LAMA1: variants seen among roughly 807,000 people sequenced by gnomAD.
LAMA1 encodes the protein laminin subunit alpha-1.
In LAMA1, 219 loss-of-function variants were observed where a neutral mutation model predicts 348.7. The ratio of observed to expected loss-of-function variants is 0.63; its 90% confidence interval spans 0.56 to 0.70. LAMA1 has a LOEUF of 0.70. Ranked by LOEUF, LAMA1 falls within the 30% of genes least tolerant of loss-of-function variation. The probability of loss-of-function intolerance (pLI) is 0.00; values close to 1 mark genes in which losing one functional copy is unlikely to be tolerated. For synonymous variants in LAMA1, 1,487 were observed against 1,491.0 expected (o/e 1.00, Z 0.06); for missense variants, 3,744 against 3,888.0 (o/e 0.96, Z 0.99).
intron 29 of LAMA1, among the ~76,000 whole-genome samples, chr18:7,003,758 T>C (rs1199865425): frequency 1.3e-5 from 2 of 152,202 alleles, no homozygotes; most frequent in Admixed American, 6.5e-5. Context: ...CTTTTATCCT[T>C]GGCAGTGAGA....
chr18:7,082,257 T>G (rs1020515588), intron 1 of LAMA1, among the ~76,000 whole-genome samples: 1 of 152,216 alleles, frequency 6.6e-6, no homozygotes, highest in South Asian at 2.1e-4. Context: ...ATTCTTAATT[T>G]TGAAACATAG....
chr18:7,113,994 G>A lies in LAMA1; in HGVS notation c.61+3666C>T, dbSNP rs564291418. ...CAGGAGGCTGAGGCAGGAGAATGGCGTGAACCTGGGAGGCGGAGCTTGCAG... is the reference window on the plus strand; with the variant it reads ...CAGGAGGCTGAGGCAGGAGAATGGCATGAACCTGGGAGGCGGAGCTTGCAG... On this transcript the variant is annotated intron_variant, in intron 1 of 62. Transcript: ENST00000389658. Among the ~76,000 whole-genome samples the A allele has an allele frequency of 8.6e-5, 13 of 151,242 alleles. No individual in the cohort carries two copies. In the South Asian group the frequency reaches 1.0e-3, roughly 12 times the overall value.
At chr18:7,078,372 T>C (rs563531818) in intron 3 of LAMA1, among the ~76,000 whole-genome samples, 4 of 151,680 alleles carry the variant, frequency 2.6e-5, no homozygotes, top group South Asian at 4.2e-4. Flanking sequence ...TTCACCGTGT[T>C]AGCCAGGATG....
chr18:6,958,184 T>C (rs887074613), intron 55 of LAMA1, among the ~76,000 whole-genome samples: 4 of 152,100 alleles, frequency 2.6e-5, no homozygotes, highest in African/African-American at 7.2e-5. Flanking sequence ...AATCCCTATG[T>C]TCCTTCAAAT....
intron 1 of LAMA1, among the ~76,000 whole-genome samples, chr18:7,093,341 G>A (rs10468766): frequency 0.012 from 1,777 of 152,182 alleles, 34 homozygotes; most frequent in African/African-American, 0.039. Context: ...GCATGAACCC[G>A]GGAGGTGGAG....
intron 20 of LAMA1, among the ~76,000 whole-genome samples, chr18:7,016,876 T>C (rs1244321404): frequency 1.3e-5 from 2 of 152,202 alleles, no homozygotes; most frequent in East Asian, 1.9e-4. Flanking sequence ...GGTTTGACTC[T>C]GTGTCCCCAC....
At chr18:7,053,495 TC>T (rs767354322) in intron 3 of LAMA1, among the ~76,000 whole-genome samples, 6 of 152,038 alleles carry the variant, frequency 3.9e-5, no homozygotes, top group Non-Finnish European at 8.8e-5. Flanking sequence ...TGAAAACTGT[TC>T]CAAAAATGTC....
At chr18:6,950,746 T>C (rs2143975003) in intron 58 of LAMA1, 36 bp downstream of exon 58, 6 of 1,611,416 alleles carry the variant, frequency 3.7e-6, no homozygotes, top group Non-Finnish European at 5.1e-6. Flanking sequence ...GGAACAGAAC[T>C]CAGAAGCAGC....
chr18:6,947,301 A>C lies in LAMA1; in HGVS notation c.8711-5T>G. The C allele has an allele frequency of 7.4e-6, 12 of 1,613,396 alleles. No individual in the cohort carries two copies. The highest frequency in any genetic ancestry group is 9.3e-6 in the Non-Finnish European group (11 of 1,179,996). Reference sequence around the variant, plus strand: ...GGACTTTGTAGCCCTCTTTGACTGTAACACACAAGGAGGACCCAAGTCAGG... The same window carrying C: ...GGACTTTGTAGCCCTCTTTGACTGTCACACACAAGGAGGACCCAAGTCAGG... On this transcript the variant is annotated splice_polypyrimidine_tract_variant and splice_region_variant and intron_variant, in intron 60 of 62. Transcript: ENST00000389658.
intron 19 of LAMA1, 56 bp downstream of exon 19, chr18:7,023,108 T>G: frequency 1.9e-6 from 3 of 1,560,934 alleles, no homozygotes; most frequent in Non-Finnish European, 2.6e-6. Flanking sequence ...GACTATACGG[T>G]TGAAGACTTC....
intron 3 of LAMA1, among the ~76,000 whole-genome samples, chr18:7,054,757 C>T (rs1473163000): frequency 6.6e-6 from 1 of 152,148 alleles, no homozygotes; most frequent in African/African-American, 2.4e-5. Flanking sequence ...TCCTCCTCCT[C>T]CTCAGCCTAC....
intron 3 of LAMA1, among the ~76,000 whole-genome samples, chr18:7,070,157 GA>G (rs2143763242): frequency 6.6e-6 from 1 of 152,276 alleles, no homozygotes; most frequent in South Asian, 2.1e-4. Context: ...AAATCATAAT[GA>G]TGAGCTTAAG....
intron 42 of LAMA1, among the ~76,000 whole-genome samples, chr18:6,979,605 A>G (rs2057698928): frequency 6.6e-6 from 1 of 152,258 alleles, no homozygotes; most frequent in Admixed American, 6.5e-5. Flanking sequence ...AAATTATCCT[A>G]TTTAAAACTT....
rs762771039 is a variant in LAMA1 at position 6,975,929 on chromosome 18, T to A, written c.6489+8A>T. On this transcript the variant is annotated splice_region_variant and intron_variant, in intron 45 of 62. Transcript: ENST00000389658. ...TTCAGTGTCGCTTTCCAAAGGTCCA[T>A]AACTTACAGCGGTGCTGCTACCGAG... 6.2e-6 allele frequency: 10 copies of A among 1,613,980 alleles called. No homozygotes were observed. The highest frequency in any genetic ancestry group is 3.3e-5 in the Admixed American group (2 of 59,994).
chr18:6,998,297 C>T (rs1331687327), intron 32 of LAMA1, among the ~76,000 whole-genome samples: 3 of 152,180 alleles, frequency 2.0e-5, no homozygotes, highest in Non-Finnish European at 4.4e-5. Flanking sequence ...ACTTTATTGA[C>T]TGTAATGAAA....
chr18:7,037,736 C>T lies in LAMA1; in HGVS notation c.1579G>A (p.Gly527Arg), dbSNP rs748714561. Residue 527 changes from glycine to arginine, a missense_variant, in exon 12 of 63, where the codon GGG becomes AGG. Physicochemically the swap from Gly to Arg is moderately radical, Grantham distance 125. Around this residue, in one of 3 missense-constraint regions of LAMA1, gnomAD observed 1,529 missense variants for 1,689.4 expected, o/e 0.91. Transcript: ENST00000389658. ...WPVGQVNSMS[G>R]WLVTDLISPR... ...CTGATCAAGTCGGTGACCAGCCACC[C>T]GGACATACTGTTTACCTTAAAAACA... The T allele has an allele frequency of 1.8e-5, 29 of 1,613,956 alleles. No individual in the cohort carries two copies. The East Asian group carries it at 2.7e-4, about 15-fold the overall frequency.
intron 1 of LAMA1, among the ~76,000 whole-genome samples, chr18:7,113,139 T>C (rs953908932): frequency 3.9e-5 from 6 of 152,082 alleles, no homozygotes; most frequent in Non-Finnish European, 7.4e-5. Flanking sequence ...GACAATAGCA[T>C]TGAGCAGGGA....
chr18:7,117,585 AC>A, intron 1 of LAMA1, 74 bp downstream of exon 1: 1 of 1,492,654 alleles, frequency 6.7e-7, no homozygotes, highest in Non-Finnish European at 9.1e-7. Context: ...CCCCAACGCG[AC>A]GGGCTTTGTC....
At chr18:7,044,673 C>T (rs200400430) in intron 7 of LAMA1, 49 bp downstream of exon 7, 29 of 1,373,146 alleles carry the variant, frequency 2.1e-5, no homozygotes, top group Middle Eastern at 3.6e-4. Flanking sequence ...AAACTTGGGA[C>T]GTATTAAGAG....
Sources: gnomAD v4.1 joint callset for allele counts (sites outside exome capture counted in the v4.1 genomes callset) on GRCh38, gnomAD v4.1.1 for gene constraint, gnomAD v4.1.1 regional missense constraint, MANE v1.5 for transcripts, NCBI Gene and HGNC (gene_info 2026-07-23, HGNC 2026-07-21) for gene names.